Variants in PPARG observed in about 807,000 individuals in gnomAD.
PPARG encodes peroxisome proliferator activated receptor gamma, also known as peroxisome proliferator-activated receptor gamma.
Under a neutral mutation model 39.2 loss-of-function variants are expected in PPARG, and 17 were observed. The observed-to-expected ratio is 0.43, with a 90% confidence interval of 0.30 to 0.65. PPARG has a LOEUF of 0.65. Among genes scored for constraint, PPARG ranks in the 30% least tolerant of loss-of-function variants. PPARG has a pLI of 0.13. For synonymous variants in PPARG, 223 were observed against 215.7 expected, an observed-to-expected ratio of 1.03 and a Z score of -0.30; for missense variants, 406 against 585.9, an observed-to-expected ratio of 0.69 and a Z score of 3.17.
At position 12,355,455 on chromosome 3, in the gene PPARG, C is replaced by T. The variant is rs748557739; in HGVS notation, c.-8-24249C>T. On this transcript the variant is annotated intron_variant, in intron 2 of 7. Transcript: ENST00000651735. The stretch of plus-strand genomic sequence containing the variant: ...CCTGCCCCTGAATTCCATAATTTCA[C>T]GTGTAATTAGAATTCAAGACCTTTT... 1.3e-3 allele frequency among the ~76,000 whole-genome samples: 198 copies of T among 152,148 alleles called. 1 individual carries two copies. The highest frequency in any genetic ancestry group is 2.6e-3 in the Non-Finnish European group (176 of 68,018).
At chr3:12,329,869 A>G (rs2047802125) in intron 2 of PPARG, among the ~76,000 whole-genome samples, 1 of 152,160 alleles carries the variant, frequency 6.6e-6, no homozygotes, top group South Asian at 2.1e-4. Context: ...CAGTTGTTTC[A>G]TATAAGTGGA....
intron 2 of PPARG, among the ~76,000 whole-genome samples, chr3:12,373,974 G>T (rs975892373): frequency 3.9e-5 from 6 of 152,146 alleles, no homozygotes; most frequent in African/African-American, 1.4e-4. Flanking sequence ...ACTAAAAGAG[G>T]CAGGGCATGT....
intron 1 of PPARG, among the ~76,000 whole-genome samples, chr3:12,300,964 C>T (rs1296883726): frequency 1.3e-5 from 2 of 152,152 alleles, no homozygotes; most frequent in African/African-American, 4.8e-5. Flanking sequence ...TTCAGTATCA[C>T]TTGTATAGGA....
intron 2 of PPARG, among the ~76,000 whole-genome samples, chr3:12,370,837 AG>A (rs2049186507): frequency 6.6e-6 from 1 of 152,216 alleles, no homozygotes; most frequent in Non-Finnish European, 1.5e-5. Context: ...ATGCCAGATA[AG>A]ACATAGACTT....
chr3:12,315,013 G>T (rs1035033715), intron 2 of PPARG, among the ~76,000 whole-genome samples: 3 of 152,106 alleles, frequency 2.0e-5, no homozygotes, highest in African/African-American at 7.2e-5. Context: ...TATACGATAG[G>T]TTGCTGTTAA....
intron 4 of PPARG, among the ~76,000 whole-genome samples, chr3:12,385,773 C>T (rs1016477577): frequency 2.0e-5 from 3 of 152,256 alleles, no homozygotes; most frequent in Admixed American, 6.5e-5. Context: ...ACCTGCCAGT[C>T]GTAGCTTATT....
intron 7 of PPARG, among the ~76,000 whole-genome samples, chr3:12,421,060 A>C (rs1256132855): frequency 6.6e-6 from 1 of 152,086 alleles, no homozygotes; most frequent in Admixed American, 6.5e-5. Context: ...TTTAATTCTC[A>C]TTTCACAGAA....
chr3:12,417,887 TC>T (rs1559533702), intron 7 of PPARG, among the ~76,000 whole-genome samples: 27 of 130,102 alleles, frequency 2.1e-4, no homozygotes, highest in African/African-American at 4.3e-4. Context: ...CTTTTTTTTT[TC>T]TTTTTTTTTT....
intron 2 of PPARG, among the ~76,000 whole-genome samples, chr3:12,338,478 T>C (rs2048080940): frequency 6.6e-6 from 1 of 152,244 alleles, no homozygotes; most frequent in African/African-American, 2.4e-5. Flanking sequence ...TGATTCTCAG[T>C]GTTCACATAA....
chr3:12,329,870 T>A (rs1296508293), intron 2 of PPARG, among the ~76,000 whole-genome samples: 1 of 152,248 alleles, frequency 6.6e-6, no homozygotes, highest in Non-Finnish European at 1.5e-5. Context: ...AGTTGTTTCA[T>A]ATAAGTGGAC....
chr3:12,411,391 CTT>C (rs1001807545), intron 6 of PPARG, among the ~76,000 whole-genome samples: 5 of 152,246 alleles, frequency 3.3e-5, no homozygotes, highest in African/African-American at 9.6e-5. Context: ...AGCAGAATAT[CTT>C]TGACAGCTTT....
intron 2 of PPARG, among the ~76,000 whole-genome samples, chr3:12,323,435 T>G (rs1350438102): frequency 6.6e-6 from 1 of 151,142 alleles, no homozygotes; most frequent in Admixed American, 6.6e-5. Context: ...GTTGAGCGTT[T>G]GGAGAGAGTG....
At chr3:12,370,085 C>T (rs1382754344) in intron 2 of PPARG, among the ~76,000 whole-genome samples, 6 of 152,084 alleles carry the variant, frequency 3.9e-5, no homozygotes, top group East Asian at 1.9e-4. Context: ...GGAAAGAGTA[C>T]GTGGGAGGTA....
intron 5 of PPARG, among the ~76,000 whole-genome samples, chr3:12,395,384 C>G (rs2050222626): frequency 6.6e-6 from 1 of 152,176 alleles, no homozygotes; most frequent in Admixed American, 6.5e-5. Flanking sequence ...TGATCAATTG[C>G]TCAGCAATTT....
At chr3:12,372,086 CAAAGGACCTATG>C in intron 2 of PPARG, 1 of 721,446 alleles carries the variant, frequency 1.4e-6, no homozygotes, top group South Asian at 1.5e-5. Context: ...AACAAAACTA[CAAAGGACCTATG>C]AAAGGCTTTT....
At chr3:12,342,942 A>G (rs1469654496) in intron 2 of PPARG, among the ~76,000 whole-genome samples, 1 of 152,170 alleles carries the variant, frequency 6.6e-6, no homozygotes, top group Non-Finnish European at 1.5e-5. Context: ...AAAACCACCA[A>G]GCTTTCAAAT....
chr3:12,400,332 A>C (rs1324876459), intron 5 of PPARG, among the ~76,000 whole-genome samples: 1 of 152,206 alleles, frequency 6.6e-6, no homozygotes, highest in Non-Finnish European at 1.5e-5. Flanking sequence ...TTATACCCAG[A>C]TCCAAAAAGC....
intron 2 of PPARG, among the ~76,000 whole-genome samples, chr3:12,353,016 G>A (rs1039767304): frequency 6.6e-6 from 1 of 152,186 alleles, no homozygotes; most frequent in Non-Finnish European, 1.5e-5. Context: ...AACATGTCTA[G>A]AATGCAGTGC....
intron 2 of PPARG, among the ~76,000 whole-genome samples, chr3:12,375,041 A>G (rs1236410750): frequency 6.6e-6 from 1 of 152,200 alleles, no homozygotes; most frequent in East Asian, 1.9e-4. Context: ...AATTTTCCCA[A>G]AATTTCCACA....
Sources: gnomAD v4.1 joint callset for allele counts (sites outside exome capture counted in the v4.1 genomes callset) on GRCh38, gnomAD v4.1.1 for gene constraint, MANE v1.5 for transcripts, NCBI Gene and HGNC (gene_info 2026-07-23, HGNC 2026-07-21) for gene names.